HHAT: variants seen among roughly 807,000 people sequenced by gnomAD.
HHAT encodes the protein protein-cysteine N-palmitoyltransferase HHAT.
A neutral mutation model predicts 70.8 loss-of-function variants in HHAT; 47 were observed. The ratio of observed to expected loss-of-function variants is 0.66; its 90% CI spans 0.53 to 0.85. The LOEUF (loss-of-function observed/expected upper bound fraction) is 0.85. Ranked by LOEUF, HHAT falls within the 40% of genes least tolerant of loss-of-function variation. The pLI, the probability that HHAT is intolerant of heterozygous loss-of-function variation, is 0.00. For synonymous variants in HHAT, 228 were observed against 247.6 expected (o/e 0.92, Z 0.74); for missense variants, 609 against 604.8 (o/e 1.01, Z -0.07).
At chr1:210,507,819 A>G (rs1417316236) in intron 8 of HHAT, among the ~76,000 whole-genome samples, 1 of 152,158 alleles carries the variant, frequency 6.6e-6, no homozygotes, top group Admixed American at 6.5e-5. Flanking sequence ...TCACTGATGG[A>G]GTAAATTTCA....
chr1:210,403,293 A>G (rs1322301204), intron 5 of HHAT, among the ~76,000 whole-genome samples: 1 of 152,236 alleles, frequency 6.6e-6, no homozygotes, highest in Non-Finnish European at 1.5e-5. Flanking sequence ...ACAGATTTAC[A>G]GTAAAAATAA....
rs1480342458 is a variant in HHAT, at chr1:210,554,788, GA to G, written c.1044-33109del. Among the ~76,000 whole-genome samples, 3 of 152,264 alleles carry G rather than the reference GA, an allele frequency of 2.0e-5. No homozygotes were observed. In the East Asian group the frequency reaches 5.8e-4, roughly 29 times the overall value. ...TTCACTGGAGATCTGAGGGTCAGGA[GA>G]GAGATGGAGGCACTGAAAGAGAGGG... On this transcript the variant is annotated intron_variant, in intron 9 of 11. Coordinates refer to ENST00000261458, the MANE Select transcript of HHAT (RefSeq NM_018194.6).
chr1:210,593,390 G>A (rs1441858554), intron 10 of HHAT, among the ~76,000 whole-genome samples: 1 of 151,940 alleles, frequency 6.6e-6, no homozygotes, highest in Non-Finnish European at 1.5e-5. Context: ...ATTATCATTT[G>A]TTTCAAGGAG....
chr1:210,373,871 T>G (rs1245392343), intron 3 of HHAT, among the ~76,000 whole-genome samples: 1 of 152,190 alleles, frequency 6.6e-6, no homozygotes, highest in Non-Finnish European at 1.5e-5. Flanking sequence ...GTGGCTGAGT[T>G]TAGGATCTTA....
chr1:210,490,427 T>G (rs559065284), intron 8 of HHAT, among the ~76,000 whole-genome samples: 1 of 152,308 alleles, frequency 6.6e-6, no homozygotes, highest in Non-Finnish European at 1.5e-5. Flanking sequence ...GTTCTCCCCA[T>G]TTGAAGTTGA....
chr1:210,466,528 C>T lies in HHAT; in HGVS notation c.1007+1873C>T, dbSNP rs116722888. Among the ~76,000 whole-genome samples, 1,079 of 152,298 alleles carry T rather than the reference C, an allele frequency of 7.1e-3. 11 individuals carry two copies. Among genetic ancestry groups the T allele is most frequent in the African/African-American group, 0.025 (1,021 of 41,558 alleles). On this transcript the variant is annotated intron_variant, in intron 8 of 11. Transcript: ENST00000261458. ...ACATGTCACAAGTGTCTGGTGTGAA[C>T]CTTGCACAGTCCCTCTGCCTACTCA...
intron 9 of HHAT, among the ~76,000 whole-genome samples, chr1:210,516,311 G>A (rs1453504350): frequency 6.6e-6 from 1 of 152,070 alleles, no homozygotes; most frequent in Non-Finnish European, 1.5e-5. Context: ...GGAGAGGGCG[G>A]GTGGAGTGGA....
intron 8 of HHAT, among the ~76,000 whole-genome samples, chr1:210,477,996 C>T (rs535944765): frequency 1.4e-4 from 22 of 152,236 alleles, no homozygotes; most frequent in African/African-American, 4.3e-4. Flanking sequence ...TCCAAGATTC[C>T]TTGTATTTAT....
At chr1:210,341,181 G>T (rs372112460) in intron 1 of HHAT, among the ~76,000 whole-genome samples, 249 of 152,304 alleles carry the variant, frequency 1.6e-3, no homozygotes, top group Non-Finnish European at 2.6e-3. Context: ...AAGTGACGAT[G>T]GTGATGCTGG....
At chr1:210,483,356 G>A (rs1328792560) in intron 8 of HHAT, among the ~76,000 whole-genome samples, 1 of 152,198 alleles carries the variant, frequency 6.6e-6, no homozygotes, top group Non-Finnish European at 1.5e-5. Flanking sequence ...TAGAAGAGTA[G>A]AGAGAACACT....
At chr1:210,595,189 C>T (rs1427792703) in intron 10 of HHAT, among the ~76,000 whole-genome samples, 1 of 152,004 alleles carries the variant, frequency 6.6e-6, no homozygotes, top group African/African-American at 2.4e-5. Flanking sequence ...TTGTTCAATT[C>T]CCACCTATGA....
intron 9 of HHAT, among the ~76,000 whole-genome samples, chr1:210,513,842 C>T (rs1295603408): frequency 2.0e-5 from 3 of 152,110 alleles, no homozygotes; most frequent in South Asian, 2.1e-4. Flanking sequence ...AAATAATGAT[C>T]GTTAAAATGC....
chr1:210,573,408 G>A (rs558027286), intron 9 of HHAT, among the ~76,000 whole-genome samples: 1 of 152,184 alleles, frequency 6.6e-6, no homozygotes. Context: ...CTAAGGAAGA[G>A]GTATTGTCGG....
intron 10 of HHAT, among the ~76,000 whole-genome samples, chr1:210,616,613 G>T (rs897722445): frequency 1.3e-5 from 2 of 152,198 alleles, no homozygotes; most frequent in Non-Finnish European, 2.9e-5. Context: ...AATCCACTTT[G>T]TGTATGGCAC....
chr1:210,519,798 G>A (rs975591916), intron 9 of HHAT, among the ~76,000 whole-genome samples: 1 of 149,990 alleles, frequency 6.7e-6, no homozygotes, highest in African/African-American at 2.4e-5. Flanking sequence ...AAAGTGATGG[G>A]GTTAAAGGTG....
chr1:210,386,634 G>A (rs1453698491), intron 3 of HHAT, among the ~76,000 whole-genome samples: 2 of 152,148 alleles, frequency 1.3e-5, no homozygotes, highest in African/African-American at 2.4e-5. Context: ...CACTGGCCAA[G>A]CCTGCATTGC....
intron 2 of HHAT, among the ~76,000 whole-genome samples, chr1:210,352,676 G>A (rs2087153333): frequency 6.6e-6 from 1 of 152,160 alleles, no homozygotes; most frequent in African/African-American, 2.4e-5. Context: ...ACAGCAGACT[G>A]ATTTTAACAG....
chr1:210,518,259 A>G lies in HHAT; in HGVS notation c.1043+5071A>G, dbSNP rs563812699. On this transcript the variant is annotated intron_variant, in intron 9 of 11. Coordinates refer to ENST00000261458, the MANE Select transcript of HHAT (RefSeq NM_018194.6). ...CTATCCTCCCCTCTCTACCCCCTCT[A>G]TGGTAACCACTGTTTTATTCTCTGT... Among the ~76,000 whole-genome samples the G allele has an allele frequency of 1.1e-4, 16 of 152,024 alleles. 1 individual carries two copies. The South Asian group carries it at 3.1e-3, about 30-fold the overall frequency.
intron 9 of HHAT, among the ~76,000 whole-genome samples, chr1:210,520,211 T>G (rs2148604121): frequency 6.6e-6 from 1 of 152,166 alleles, no homozygotes; most frequent in Middle Eastern, 3.4e-3. Flanking sequence ...GAGACAGGGT[T>G]TCACTGTGTT....
Sources: allele counts gnomAD v4.1 joint callset (sites outside exome capture counted in the v4.1 genomes callset), GRCh38; gene constraint gnomAD v4.1.1; transcripts MANE v1.5; gene names NCBI Gene and HGNC (gene_info 2026-07-23, HGNC 2026-07-21).